Variants in CD96 observed in about 807,000 individuals in gnomAD.
CD96 encodes the protein T-cell surface protein tactile.
A neutral mutation model predicts 71.3 loss-of-function variants in CD96; 70 were observed. That is an observed-to-expected ratio of 0.98 (90% CI 0.81 to 1.20). The LOEUF (loss-of-function observed/expected upper bound fraction) is 1.20. Ranked by LOEUF, CD96 falls within the 50% of genes most tolerant of loss-of-function variation. The pLI is 0.00. For missense variants in CD96, 742 were observed against 677.5 expected, an observed-to-expected ratio of 1.10 and a Z score of -1.06; for synonymous variants, 248 against 233.0, an observed-to-expected ratio of 1.06 and a Z score of -0.59.
intron 8 of CD96, among the ~76,000 whole-genome samples, chr3:111,621,737 C>T (rs887290174): frequency 6.6e-6 from 1 of 152,156 alleles, no homozygotes; most frequent in African/African-American, 2.4e-5. Context: ...TGGTGGAGCA[C>T]AGTCCCAGGG....
chr3:111,647,105 A>C (rs1471088343), intron 12 of CD96, among the ~76,000 whole-genome samples: 3 of 151,514 alleles, frequency 2.0e-5, no homozygotes, highest in African/African-American at 4.8e-5. Context: ...AAAAAAAAAA[A>C]AAAACCCTAC....
intron 12 of CD96, among the ~76,000 whole-genome samples, chr3:111,639,674 A>G (rs746803597): frequency 6.6e-6 from 1 of 152,172 alleles, no homozygotes; most frequent in Admixed American, 6.5e-5. Flanking sequence ...GAGGCCAACC[A>G]GCACAAAAAC....
chr3:111,663,092 A>G (rs1442827784), intron 14 of CD96, among the ~76,000 whole-genome samples: 2 of 152,210 alleles, frequency 1.3e-5, no homozygotes, highest in Non-Finnish European at 2.9e-5. Flanking sequence ...AACATGGTGG[A>G]AGGGCAAAGG....
At chr3:111,542,980 T>G (rs73855144) in intron 1 of CD96, among the ~76,000 whole-genome samples, 5,247 of 152,246 alleles carry the variant, frequency 0.034, 220 homozygotes, top group East Asian at 0.13. Flanking sequence ...CAGACATAGC[T>G]ATGAAAATAT....
At chr3:111,627,163 G>A (rs1276614792) in intron 10 of CD96, among the ~76,000 whole-genome samples, 1 of 152,200 alleles carries the variant, frequency 6.6e-6, no homozygotes, top group Non-Finnish European at 1.5e-5. Context: ...CTTCTTCACT[G>A]GGCAGGACCT....
chr3:111,550,494 G>C (rs1045196920), intron 2 of CD96, among the ~76,000 whole-genome samples: 1 of 151,972 alleles, frequency 6.6e-6, no homozygotes, highest in Admixed American at 6.6e-5. Context: ...AAAAAGGGTA[G>C]TTAAATACAC....
intron 7 of CD96, among the ~76,000 whole-genome samples, chr3:111,603,700 A>G (rs1016382590): frequency 1.3e-5 from 2 of 152,244 alleles, no homozygotes; most frequent in African/African-American, 4.8e-5. Flanking sequence ...GTTGAGATCA[A>G]GACCTTTGGG....
At position 111,638,079 on chromosome 3, in the gene CD96, A is replaced by G. The variant is rs991328129; in HGVS notation, c.1388A>G (p.Asp463Gly). The G allele has an allele frequency of 3.2e-6, 5 of 1,581,972 alleles. No individual in the cohort carries two copies. Among genetic ancestry groups the G allele is most frequent in the Non-Finnish European group, 4.3e-6 (5 of 1,150,920 alleles). Residue 463 changes from aspartate (D) to glycine (G), a missense_variant and splice_region_variant, in exon 12 of 14, where the codon GAC becomes GGC. Coordinates refer to ENST00000352690, the MANE Select transcript of CD96 (RefSeq NM_005816.5). ...CCAGATATCCCCTTTATATCCCTAG[A>G]CAATGTCTTTACCAGCACAGCCAGA... ...SPSGAGSTLH[D>G]NVFTSTARAF...
chr3:111,562,353 T>C (rs1360806088), intron 2 of CD96, among the ~76,000 whole-genome samples: 1 of 152,188 alleles, frequency 6.6e-6, no homozygotes, highest in African/African-American at 2.4e-5. Context: ...TGTCTCATAA[T>C]TTTGTGTTGA....
chr3:111,597,618 T>G (rs1251755018), intron 5 of CD96, among the ~76,000 whole-genome samples: 2 of 152,202 alleles, frequency 1.3e-5, no homozygotes, highest in Non-Finnish European at 2.9e-5. Context: ...GGAAAATGCT[T>G]CACAAGTAAA....
At chr3:111,637,299 G>C (rs777046130) in intron 11 of CD96, 38 bp downstream of exon 11, 4 of 1,119,478 alleles carry the variant, frequency 3.6e-6, no homozygotes, top group Admixed American at 1.7e-5. Flanking sequence ...ACTGAAGCTA[G>C]TGGTCAGCTT....
intron 2 of CD96, among the ~76,000 whole-genome samples, chr3:111,548,360 T>G (rs924241248): frequency 6.6e-6 from 1 of 152,194 alleles, no homozygotes; most frequent in Non-Finnish European, 1.5e-5. Context: ...ATATTTTGTC[T>G]CTGTGTGTGT....
chr3:111,621,054 T>C (rs1334742218), intron 8 of CD96, among the ~76,000 whole-genome samples: 2 of 152,218 alleles, frequency 1.3e-5, no homozygotes, highest in Non-Finnish European at 2.9e-5. Context: ...TCACATGTCC[T>C]GGTCAGTGCC....
chr3:111,653,714 A>G (rs1170769295), downstream of CD96, among the ~76,000 whole-genome samples: 1 of 152,058 alleles, frequency 6.6e-6, no homozygotes, highest in Non-Finnish European at 1.5e-5. Flanking sequence ...TTGCTTTGGT[A>G]TCTCCTTTTA....
chr3:111,557,473 C>G (rs1189918776), intron 2 of CD96, among the ~76,000 whole-genome samples: 1,307 of 109,802 alleles, frequency 0.012, 16 homozygotes, highest in African/African-American at 0.022. Context: ...ATCCTTTCCC[C>G]ATTGCTTGTT....
chr3:111,601,877 A>T (rs1340668449), intron 7 of CD96, among the ~76,000 whole-genome samples: 1 of 152,204 alleles, frequency 6.6e-6, no homozygotes, highest in Non-Finnish European at 1.5e-5. Context: ...AGAAAAGTGT[A>T]CCCAGCATAA....
intron 5 of CD96, chr3:111,593,653 C>T: frequency 6.2e-7 from 1 of 1,607,174 alleles, no homozygotes; most frequent in Non-Finnish European, 8.5e-7. Flanking sequence ...CCCTTTCCAC[C>T]TCCTCCAGGG....
intron 12 of CD96, among the ~76,000 whole-genome samples, chr3:111,644,108 A>T (rs1033414176): frequency 6.6e-6 from 1 of 152,226 alleles, no homozygotes; most frequent in East Asian, 1.9e-4. Flanking sequence ...ATAGTCATCA[A>T]AACAGCATGC....
chr3:111,551,345 G>A (rs1934691289), intron 2 of CD96, among the ~76,000 whole-genome samples: 1 of 152,158 alleles, frequency 6.6e-6, no homozygotes. Context: ...CATGGTCACT[G>A]AAAGCACCTA....
Sources: allele counts gnomAD v4.1 joint callset (sites outside exome capture counted in the v4.1 genomes callset), GRCh38; gene constraint gnomAD v4.1.1; transcripts MANE v1.5; gene names NCBI Gene and HGNC (gene_info 2026-07-23, HGNC 2026-07-21).